ARHGAP15: variants seen among roughly 807,000 people sequenced by gnomAD.
ARHGAP15 encodes the protein rho GTPase-activating protein 15.
A neutral mutation model predicts 63.7 loss-of-function variants in ARHGAP15; 51 were observed. The ratio of observed to expected loss-of-function variants is 0.80; its 90% CI spans 0.64 to 1.01. The LOEUF (loss-of-function observed/expected upper bound fraction) is 1.01. ARHGAP15 is among the 50% of genes least tolerant of loss of function. The pLI, the probability that ARHGAP15 is intolerant of heterozygous loss-of-function variation, is 0.00. For synonymous variants in ARHGAP15, 191 were observed against 193.8 expected, an observed-to-expected ratio of 0.99 and a Z score of 0.12; for missense variants, 560 against 564.6, an observed-to-expected ratio of 0.99 and a Z score of 0.08.
intron 11 of ARHGAP15, among the ~76,000 whole-genome samples, chr2:143,579,714 C>T (rs1417286937): frequency 6.6e-6 from 1 of 151,782 alleles, no homozygotes; most frequent in African/African-American, 2.4e-5. Context: ...TAGTGCTGAT[C>T]ATGCAACTTC....
intron 10 of ARHGAP15, among the ~76,000 whole-genome samples, chr2:143,529,837 G>A (rs940468683): frequency 6.6e-6 from 1 of 152,126 alleles, no homozygotes; most frequent in Non-Finnish European, 1.5e-5. Context: ...CAATATTCCA[G>A]TGACAGCTTT....
At chr2:143,519,388 T>A in intron 10 of ARHGAP15, 24 bp downstream of exon 10, 1 of 1,578,168 alleles carries the variant, frequency 6.3e-7, no homozygotes. Flanking sequence ...TGTGCAGCAG[T>A]TCCCCCCATT....
chr2:143,250,732 C>T (rs887881688), intron 6 of ARHGAP15, 132 bp downstream of exon 6: 23 of 664,882 alleles, frequency 3.5e-5, no homozygotes, highest in Admixed American at 2.4e-4. Flanking sequence ...TCATGAAAGG[C>T]GACTCCTCTT....
At chr2:143,364,405 A>T (rs895389010) in intron 6 of ARHGAP15, among the ~76,000 whole-genome samples, 1 of 152,170 alleles carries the variant, frequency 6.6e-6, no homozygotes, top group Admixed American at 6.5e-5. Context: ...GGGAGTGAGA[A>T]GTGGGAGGGA....
At chr2:143,661,749 T>C (rs1439039049) in intron 12 of ARHGAP15, among the ~76,000 whole-genome samples, 3 of 152,186 alleles carry the variant, frequency 2.0e-5, no homozygotes, top group East Asian at 3.9e-4. Flanking sequence ...GGGTGAGGCA[T>C]TGCCTCACTT....
chr2:143,627,546 A>G (rs1348402741), intron 12 of ARHGAP15, among the ~76,000 whole-genome samples: 3 of 152,198 alleles, frequency 2.0e-5, no homozygotes, highest in African/African-American at 7.2e-5. Context: ...CAAAATTTTA[A>G]GAACATTTAT....
At chr2:143,735,154 A>C (rs1685696295) in intron 13 of ARHGAP15, among the ~76,000 whole-genome samples, 1 of 152,186 alleles carries the variant, frequency 6.6e-6, no homozygotes, top group African/African-American at 2.4e-5. Flanking sequence ...TTTCTCTCCT[A>C]AATATTTATA....
At chr2:143,674,320 A>G (rs1192164501) in intron 12 of ARHGAP15, among the ~76,000 whole-genome samples, 1 of 152,214 alleles carries the variant, frequency 6.6e-6, no homozygotes, top group Non-Finnish European at 1.5e-5. Flanking sequence ...TCTATTGACT[A>G]CAATATGGAT....
chr2:143,132,010 AT>A (rs1354537169), intron 1 of ARHGAP15, among the ~76,000 whole-genome samples: 2 of 152,076 alleles, frequency 1.3e-5, no homozygotes, highest in African/African-American at 2.4e-5. Context: ...AAAAAAAAAA[AT>A]ATTGCACTAC....
intron 6 of ARHGAP15, among the ~76,000 whole-genome samples, chr2:143,418,533 A>G (rs917221454): frequency 2.0e-5 from 3 of 152,222 alleles, no homozygotes; most frequent in Non-Finnish European, 2.9e-5. Flanking sequence ...ATACAATCTT[A>G]TCAAATTCCC....
intron 12 of ARHGAP15, among the ~76,000 whole-genome samples, chr2:143,681,429 T>C (rs558914377): frequency 8.8e-4 from 134 of 152,196 alleles, no homozygotes; most frequent in Non-Finnish European, 1.3e-3. Flanking sequence ...CCTTAAAGTA[T>C]GGAAAGATGC....
intron 10 of ARHGAP15, among the ~76,000 whole-genome samples, chr2:143,532,613 T>C (rs572165149): frequency 6.6e-6 from 1 of 152,168 alleles, no homozygotes; most frequent in Non-Finnish European, 1.5e-5. Flanking sequence ...CTTAAAGTAG[T>C]TTTATAGATA....
chr2:143,607,702 A>AT (rs1698093527), intron 11 of ARHGAP15: 1 of 152,100 alleles, frequency 6.6e-6, no homozygotes, highest in African/African-American at 2.4e-5. Context: ...GCTTCCCAGA[A>AT]TTTTTTATGC....
At chr2:143,264,037 C>A (rs184069260) in intron 6 of ARHGAP15, among the ~76,000 whole-genome samples, 2 of 146,520 alleles carry the variant, frequency 1.4e-5, no homozygotes, top group Admixed American at 1.4e-4. Flanking sequence ...CTCCATGAAG[C>A]CCTAGGGGTG....
intron 5 of ARHGAP15, among the ~76,000 whole-genome samples, chr2:143,240,322 A>G (rs1693818907): frequency 6.6e-6 from 1 of 152,202 alleles, no homozygotes; most frequent in Non-Finnish European, 1.5e-5. Context: ...GTATGACTTT[A>G]ACAACAAAAT....
intron 11 of ARHGAP15, among the ~76,000 whole-genome samples, chr2:143,579,697 G>A (rs1696815143): frequency 7.5e-6 from 1 of 133,152 alleles, no homozygotes; most frequent in Non-Finnish European, 1.6e-5. Context: ...TTTTGTCGAG[G>A]GAAGAATAGT....
rs565693133 is a variant in ARHGAP15 at position 143,260,992 on chromosome 2, T to C, written c.474+10392T>C. Among the ~76,000 whole-genome samples the C allele has an allele frequency of 2.8e-3, 429 of 152,286 alleles. 2 individuals are homozygous for C. The highest frequency in any genetic ancestry group is 4.1e-3 in the Non-Finnish European group (279 of 68,010). ...GTATAAAATTTCAACTAAATTATTC[T>C]CCTAATAGACTTGGATACAACCCTG... On this transcript the variant is annotated intron_variant, in intron 6 of 13. Coordinates refer to ENST00000295095, the MANE Select transcript of ARHGAP15 (RefSeq NM_018460.4).
At chr2:143,567,774 G>A (rs537933820) in intron 11 of ARHGAP15, among the ~76,000 whole-genome samples, 2 of 152,202 alleles carry the variant, frequency 1.3e-5, no homozygotes, top group East Asian at 1.9e-4. Flanking sequence ...AGTCCCTGTC[G>A]GCCCCATATC....
chr2:143,538,541 T>G (rs1694886460), intron 10 of ARHGAP15, among the ~76,000 whole-genome samples: 1 of 152,222 alleles, frequency 6.6e-6, no homozygotes, highest in Non-Finnish European at 1.5e-5. Flanking sequence ...CTTATTATTT[T>G]GAGATATGTC....
Sources: allele counts gnomAD v4.1 joint callset (sites outside exome capture counted in the v4.1 genomes callset), GRCh38; gene constraint gnomAD v4.1.1; transcripts MANE v1.5; gene names NCBI Gene and HGNC (gene_info 2026-07-23, HGNC 2026-07-21).